Variants in TRAF6 observed in about 807,000 individuals in gnomAD.
The protein encoded by TRAF6 is TNF receptor associated factor 6.
TRAF6 carries 10 observed loss-of-function variants against 48.4 expected under a neutral mutation model. The ratio of observed to expected loss-of-function variants is 0.21; its 90% confidence interval spans 0.13 to 0.35. The LOEUF (loss-of-function observed/expected upper bound fraction) is 0.35. Ranked by LOEUF, TRAF6 falls within the 10% of genes least tolerant of loss-of-function variation. The pLI is 1.00. For missense variants in TRAF6, 397 were observed against 661.0 expected (o/e 0.60, Z 4.38); for synonymous variants, 186 against 219.6 (o/e 0.85, Z 1.35).
chr11:36,497,421 C>T (rs150418949), intron 3 of TRAF6, among the ~76,000 whole-genome samples, 155 bp from the exon 4 acceptor site: 17 of 152,246 alleles, frequency 1.1e-4, no homozygotes, highest in East Asian at 7.7e-4. Flanking sequence ...ACGTCTTTAG[C>T]GAATTTTTTA....
Position 36,488,005 on chromosome 11 carries a change from G to C in TRAF6, c.*1833C>G, listed in dbSNP as rs1859509606. On this transcript the variant is annotated 3_prime_UTR_variant, in exon 7 of 7. Coordinates refer to ENST00000526995, the MANE Select transcript of TRAF6 (RefSeq NM_004620.4). Reference sequence around the variant, plus strand: ...CAAAAAGTTTAGTATATTTCCTTCAGGCTTTTTCTACGCAAATACAAAAAT... The same window carrying C: ...CAAAAAGTTTAGTATATTTCCTTCACGCTTTTTCTACGCAAATACAAAAAT... 1 of 152,116 alleles carries C rather than the reference G, an allele frequency of 6.6e-6. No homozygotes were observed. The highest frequency in any genetic ancestry group is 2.4e-5 in the African/African-American group (1 of 41,420). The allele number at this position is 152,116 out of a possible 1,614,324, so 9.4% of individuals were successfully genotyped here.
At chr11:36,501,170 T>C in intron 2 of TRAF6, 50 bp downstream of exon 2, 1 of 1,471,620 alleles carries the variant, frequency 6.8e-7, no homozygotes, top group Non-Finnish European at 9.1e-7. Flanking sequence ...AACAATGTTC[T>C]CTGCATCTGG....
Position 36,506,528 on chromosome 11 carries a change from G to A in TRAF6, c.-23+3520C>T, listed in dbSNP as rs147228117. Among the ~76,000 whole-genome samples, 96 of 152,256 alleles carry A rather than the reference G, an allele frequency of 6.3e-4. 1 individual carries two copies. The highest frequency in any genetic ancestry group is 2.2e-3 in the African/African-American group (90 of 41,540). On this transcript the variant is annotated intron_variant, in intron 1 of 6. Transcript: ENST00000526995. The stretch of plus-strand genomic sequence containing the variant: ...ACAAAGGCAGAAATTATGAAGCTAG[G>A]TGTATCTTTTCTTTTCTGCCCAAAT...
chr11:36,495,083 G>C, intron 4 of TRAF6, 36 bp from the exon 5 acceptor site: 1 of 1,475,770 alleles, frequency 6.8e-7, no homozygotes, highest in South Asian at 1.2e-5. Context: ...TAAAGCATGA[G>C]AATATCTGAA....
chr11:36,508,035 T>G (rs1001200408), intron 1 of TRAF6, among the ~76,000 whole-genome samples: 1 of 151,766 alleles, frequency 6.6e-6, no homozygotes, highest in South Asian at 2.1e-4. Flanking sequence ...TTTGTATTTT[T>G]TTGTAGAGAC....
chr11:36,500,388 G>C (rs563817212), intron 2 of TRAF6, among the ~76,000 whole-genome samples: 8 of 152,312 alleles, frequency 5.3e-5, no homozygotes, highest in African/African-American at 1.9e-4. Flanking sequence ...ACCAAGGCAG[G>C]AGCATGCCTG....
In TRAF6 at chr11:36,486,065, G is replaced by A. The variant is rs930868189; in HGVS notation, c.*3773C>T. Reference sequence around the variant, plus strand: ...TTTTTGTTTTGTTTTGTGAGACAGTGTTGCACTCTGTCACCCAGGCTGGGG... The same window carrying A: ...TTTTTGTTTTGTTTTGTGAGACAGTATTGCACTCTGTCACCCAGGCTGGGG... On this transcript the variant is annotated 3_prime_UTR_variant, in exon 7 of 7. Transcript: ENST00000526995. Among the ~76,000 whole-genome samples the A allele has an allele frequency of 9.8e-4, 110 of 112,154 alleles. 1 individual carries two copies. Among genetic ancestry groups the A allele is most frequent in the African/African-American group, 3.9e-3 (107 of 27,750 alleles). The allele number at this position is 112,154 out of a possible 152,430, so 73.6% of individuals were successfully genotyped here. A position where few individuals can be genotyped will look rare whatever the true frequency, so the allele number is the denominator to read the frequency against.
At chr11:36,500,425 A>C (rs972353399) in intron 2 of TRAF6, among the ~76,000 whole-genome samples, 1 of 152,190 alleles carries the variant, frequency 6.6e-6, no homozygotes, top group Non-Finnish European at 1.5e-5. Context: ...GCAAAGAGGG[A>C]ATGAATGGGT....
intron 2 of TRAF6, 109 bp downstream of exon 2, chr11:36,501,111 G>A (rs1859709449): frequency 9.2e-7 from 1 of 1,091,178 alleles, no homozygotes. Context: ...TTTTTCCTAA[G>A]TAGCTTTTTA....
intron 4 of TRAF6, chr11:36,496,445 T>C (rs910598511): frequency 6.6e-6 from 1 of 152,330 alleles, no homozygotes; most frequent in Non-Finnish European, 1.5e-5. Flanking sequence ...CCGGGCATGG[T>C]GGCACGTGCC....
At position 36,492,553 on chromosome 11, in the gene TRAF6, T is replaced by C. The variant is rs1305709407; in HGVS notation, c.754A>G (p.Lys252Glu). The C allele has an allele frequency of 2.5e-6, 4 of 1,606,158 alleles. No individual in the cohort carries two copies. The highest frequency in any genetic ancestry group is 3.4e-6 in the Non-Finnish European group (4 of 1,177,940). The change falls in exon 6 of 7, where the codon AAG becomes GAG. Residue 252 changes from lysine (K) to glutamate (E), a missense_variant and splice_region_variant. By Grantham distance (56) the Lys-to-Glu change is moderately conservative. Transcript: ENST00000526995. The stretch of plus-strand genomic sequence containing the variant: ...ATTAAAAGAAAAAAAAACCTTACCT[T>C]TTCATGGCAACCAAAAGTACTGAAT... ...CTFSTFGCHE[K>E]MQRNHLARHL...
intron 1 of TRAF6, among the ~76,000 whole-genome samples, chr11:36,502,376 C>G (rs993835758): frequency 2.0e-5 from 3 of 152,044 alleles, no homozygotes; most frequent in African/African-American, 7.3e-5. Flanking sequence ...ATGAGATATC[C>G]TCAAATTCTA....
chr11:36,493,100 T>C (rs1859585451), intron 5 of TRAF6, among the ~76,000 whole-genome samples: 1 of 152,194 alleles, frequency 6.6e-6, no homozygotes, highest in Admixed American at 6.5e-5. Flanking sequence ...TCTTAACTTT[T>C]GTTAAGCTGG....
intron 2 of TRAF6, among the ~76,000 whole-genome samples, chr11:36,500,003 A>G (rs1859694397): frequency 6.6e-6 from 1 of 152,214 alleles, no homozygotes; most frequent in South Asian, 2.1e-4. Context: ...AATTGCAAGT[A>G]CTTTCATTCA....
At chr11:36,503,183 C>T (rs1859739829) in intron 1 of TRAF6, among the ~76,000 whole-genome samples, 1 of 152,170 alleles carries the variant, frequency 6.6e-6, no homozygotes, top group African/African-American at 2.4e-5. Context: ...TATTTTATTA[C>T]ACTAAAGTGC....
rs1314534088 is a variant in TRAF6 at position 36,507,643 on chromosome 11, GTA to G, written c.-23+2403_-23+2404del. ...TATATATGTATACATACACGCGCGT[GTA>G]TATATGTATACATACACACGCGCGT... On this transcript the variant is annotated intron_variant, in intron 1 of 6. Transcript: ENST00000526995. 1.3e-3 allele frequency among the ~76,000 whole-genome samples: 6 copies of G among 4,658 alleles called. 2 individuals are homozygous for G. Among genetic ancestry groups the G allele is most frequent in the African/African-American group, 1.6e-3 (6 of 3,852 alleles). The allele number at this position is 4,658 out of a possible 152,430, so 3.1% of individuals were successfully genotyped here. A position where few individuals can be genotyped will look rare whatever the true frequency, so the allele number is the denominator to read the frequency against.
At position 36,484,835 on chromosome 11, in the gene TRAF6, C is replaced by A. The variant is rs929171922; in HGVS notation, c.*5003G>T. ...AAAAAGAACACGAGAATATTCTGCACAATTTATCAAGGACCTTCAAATAAA... is the reference window on the plus strand; with the variant it reads ...AAAAAGAACACGAGAATATTCTGCAAAATTTATCAAGGACCTTCAAATAAA... On this transcript the variant is annotated 3_prime_UTR_variant, in exon 7 of 7. Transcript: ENST00000526995. Among the ~76,000 whole-genome samples, 3 of 152,178 alleles carry A rather than the reference C, an allele frequency of 2.0e-5. No homozygotes were observed. The highest frequency in any genetic ancestry group is 1.3e-4 in the Admixed American group (2 of 15,280).
At position 36,490,748 on chromosome 11, in the gene TRAF6, C is replaced by T. The variant is rs1859552760; in HGVS notation, c.757-98G>A. On this transcript the variant is annotated intron_variant, in intron 6 of 6. Coordinates refer to ENST00000526995, the MANE Select transcript of TRAF6 (RefSeq NM_004620.4). The surrounding 1 kb of genome is among the most constrained non-coding windows in gnomAD (Gnocchi z 6.4). ...AATAAGAAGTTTTCAAGTAGTCACA[C>T]CACTTCCCTCAATTCTCTACAATTT... is the stretch of plus-strand genomic sequence containing the variant. 1 of 1,032,372 alleles carries T rather than the reference C, an allele frequency of 9.7e-7. No individual in the cohort carries two copies. The highest frequency in any genetic ancestry group is 2.6e-5 in the Admixed American group (1 of 38,648). The allele number at this position is 1,032,372 out of a possible 1,614,324, so 64.0% of individuals were successfully genotyped here.
rs1031797152 is a variant in TRAF6 at position 36,487,549 on chromosome 11, A to G, written c.*2289T>C. On this transcript the variant is annotated 3_prime_UTR_variant, in exon 7 of 7. Coordinates refer to ENST00000526995, the MANE Select transcript of TRAF6 (RefSeq NM_004620.4). ...TCAGTGTCAGCAAAGAGTAAGTTAA[A>G]GACATTTTATACTGGCAAAATACTT... is the stretch of plus-strand genomic sequence containing the variant. 6.6e-6 allele frequency: 1 copy of G among 152,218 alleles called. No homozygotes were observed. Among genetic ancestry groups the G allele is most frequent in the African/African-American group, 2.4e-5 (1 of 41,454 alleles). 9.4% of individuals were successfully genotyped at this position (152,218 alleles called of 1,614,324 possible).
Sources: gnomAD v4.1 joint callset for allele counts (sites outside exome capture counted in the v4.1 genomes callset) on GRCh38, gnomAD v4.1.1 for gene constraint, Gnocchi (gnomAD v3.1) non-coding constraint, MANE v1.5 for transcripts, NCBI Gene and HGNC (gene_info 2026-07-23, HGNC 2026-07-21) for gene names.